PALLD: variants seen among roughly 807,000 people sequenced by gnomAD.
The protein encoded by PALLD is palladin.
PALLD carries 61 observed loss-of-function variants against 123.5 expected under a neutral mutation model. The ratio of observed to expected loss-of-function variants is 0.49; its 90% CI spans 0.40 to 0.61. The LOEUF is 0.61. Among genes scored for constraint, PALLD ranks in the 20% least tolerant of loss-of-function variants. The pLI is 0.00. For missense variants in PALLD, 1,273 were observed against 1,377.0 expected (o/e 0.92, Z 1.20); for synonymous variants, 465 against 496.4 (o/e 0.94, Z 0.84).
chr4:168,658,805 G>T (rs943781769), intron 2 of PALLD, among the ~76,000 whole-genome samples: 5 of 152,118 alleles, frequency 3.3e-5, no homozygotes, highest in African/African-American at 1.2e-4. Flanking sequence ...ATCTGGTTTT[G>T]GTTCAAATTC....
chr4:168,629,584 T>C (rs1775618263), intron 2 of PALLD, among the ~76,000 whole-genome samples: 1 of 152,240 alleles, frequency 6.6e-6, no homozygotes, highest in Admixed American at 6.5e-5. Flanking sequence ...TCAGTAGTTC[T>C]GAGCAGGGCT....
At chr4:168,710,365 T>C (rs1784719205) in intron 9 of PALLD, among the ~76,000 whole-genome samples, 3 of 152,112 alleles carry the variant, frequency 2.0e-5, no homozygotes, top group Admixed American at 2.0e-4. Flanking sequence ...ATCTCTGCCA[T>C]TCATCTTAAA....
chr4:168,727,021 C>T (rs1367237089), intron 10 of PALLD, among the ~76,000 whole-genome samples: 1 of 152,162 alleles, frequency 6.6e-6, no homozygotes, highest in Non-Finnish European at 1.5e-5. Flanking sequence ...ATTATGGCCT[C>T]CAGCTCCATC....
intron 10 of PALLD, among the ~76,000 whole-genome samples, chr4:168,715,427 C>T (rs1785254793): frequency 6.6e-6 from 1 of 152,230 alleles, no homozygotes; most frequent in Non-Finnish European, 1.5e-5. Context: ...ATTTCTGCAA[C>T]TCAGTGGCTG....
chr4:168,565,122 G>A (rs772309050), intron 2 of PALLD, among the ~76,000 whole-genome samples: 4 of 152,076 alleles, frequency 2.6e-5, no homozygotes, highest in Non-Finnish European at 5.9e-5. Context: ...AACCCAGGAG[G>A]TCAAGGCAGC....
At position 168,924,207 on chromosome 4, in the gene PALLD, G is replaced by T. The variant is rs1052056316; in HGVS notation, c.3059-48G>T. Reference sequence around the variant, plus strand: ...AAAAGCCTTCTGAATTCTTTCTAGTGCTCCTTTTGTATATCATTGATAGAG... The same window carrying T: ...AAAAGCCTTCTGAATTCTTTCTAGTTCTCCTTTTGTATATCATTGATAGAG... On this transcript the variant is annotated intron_variant, in intron 18 of 21. Coordinates refer to ENST00000505667, the MANE Select transcript of PALLD (RefSeq NM_001166108.2). 5 of 1,527,542 alleles carry T rather than the reference G, an allele frequency of 3.3e-6. No individual in the cohort carries two copies. In the African/African-American group the frequency reaches 5.5e-5, roughly 17 times the overall value. The allele number at this position is 1,527,542 out of a possible 1,614,324, so 94.6% of individuals were successfully genotyped here.
intron 8 of PALLD, 23 bp from the exon 9 acceptor site, chr4:168,709,005 G>A (rs2150195071): frequency 6.2e-7 from 1 of 1,612,048 alleles, no homozygotes; most frequent in East Asian, 2.2e-5. Flanking sequence ...TCTGATGAAT[G>A]ATTCTGTTCT....
chr4:168,518,115 A>G (rs1763167085), intron 2 of PALLD, among the ~76,000 whole-genome samples: 1 of 152,128 alleles, frequency 6.6e-6, no homozygotes, highest in Admixed American at 6.5e-5. Flanking sequence ...CTGTTCAGGA[A>G]AAAAACCTTG....
intron 2 of PALLD, among the ~76,000 whole-genome samples, chr4:168,614,994 G>T (rs910248294): frequency 6.6e-6 from 1 of 152,118 alleles, no homozygotes; most frequent in Non-Finnish European, 1.5e-5. Flanking sequence ...GGGATAGCTA[G>T]AGCCAATAAG....
At chr4:168,550,565 G>A (rs992134422) in intron 2 of PALLD, among the ~76,000 whole-genome samples, 8 of 138,724 alleles carry the variant, frequency 5.8e-5, no homozygotes, top group Non-Finnish European at 6.5e-5. Context: ...AGATATTTAT[G>A]AGCTTCTAAA....
At position 168,680,275 on chromosome 4, in the gene PALLD, C is replaced by T. The variant is rs538609824; in HGVS notation, c.1088-1057C>T. 1.2e-3 allele frequency among the ~76,000 whole-genome samples: 177 copies of T among 150,474 alleles called. 1 individual carries two copies. Among genetic ancestry groups the T allele is most frequent in the African/African-American group, 4.0e-3 (164 of 40,896 alleles). On this transcript the variant is annotated intron_variant, in intron 3 of 21. Coordinates refer to ENST00000505667, the MANE Select transcript of PALLD (RefSeq NM_001166108.2). ...GGCAGATCACTTGAGGTCAGGAGTT[C>T]GAGACCAGCCTGGCCAACATGGTGA...
At position 168,786,894 on chromosome 4, in the gene PALLD, G is replaced by T. The variant is rs1736840650; in HGVS notation, c.1964+74971G>T. Among the ~76,000 whole-genome samples, 4 of 152,152 alleles carry T rather than the reference G, an allele frequency of 2.6e-5. No homozygotes were observed. The South Asian group carries it at 8.3e-4, about 32-fold the overall frequency. The stretch of plus-strand genomic sequence containing the variant: ...ATAAGAACATGAAAAGCTGTGGTTT[G>T]CAACCTTCATAGGGTCCCAAAGCAA... On this transcript the variant is annotated intron_variant, in intron 10 of 21. Coordinates refer to ENST00000505667, the MANE Select transcript of PALLD (RefSeq NM_001166108.2).
At chr4:168,770,293 G>A (rs116323792) in intron 10 of PALLD, among the ~76,000 whole-genome samples, 2,027 of 152,312 alleles carry the variant, frequency 0.013, 21 homozygotes, top group Non-Finnish European at 0.021. Context: ...GAATAGAAAA[G>A]CCTGTCTCCC....
chr4:168,547,825 A>G (rs1271142425), intron 2 of PALLD, among the ~76,000 whole-genome samples: 1 of 151,764 alleles, frequency 6.6e-6, no homozygotes, highest in East Asian at 2.0e-4. Context: ...GTGCGCCTGT[A>G]GTCCCAGCTA....
rs1403623266 is a variant in PALLD at position 168,915,991 on chromosome 4, T to C, written c.2814T>C (p.Thr938=). The change falls in exon 17 of 22, where the codon ACT becomes ACC. Residue 938 remains threonine (T), a synonymous_variant. Transcript: ENST00000505667. The part of the protein sequence containing the change: ...PHFLQAPGDL[T]VQEGKLCRMD... ...TCTTGCAGGCTCCTGGAGATCTGAC[T>C]GTTCAAGAAGGAAAACTCTGCAGAA... is the stretch of plus-strand genomic sequence containing the variant. 4.3e-6 allele frequency: 7 copies of C among 1,613,872 alleles called. No individual in the cohort carries two copies. In the African/African-American group the frequency reaches 6.7e-5, roughly 15 times the overall value.
intron 2 of PALLD, among the ~76,000 whole-genome samples, chr4:168,637,279 C>T (rs1776437970): frequency 6.6e-6 from 1 of 152,020 alleles, no homozygotes; most frequent in South Asian, 2.1e-4. Flanking sequence ...CCACTCCAGT[C>T]TTCCCTTCTC....
rs571414262 is a variant in PALLD at position 168,552,271 on chromosome 4, G to A, written c.908+39859G>A. On this transcript the variant is annotated intron_variant, in intron 2 of 21. Transcript: ENST00000505667. ...ACTCATGAAGGGACCCAAAGCCAAC[G>A]TGGGGTGAGGGGAGGGCAGGAACCT... Among the ~76,000 whole-genome samples, 4 of 152,288 alleles carry A rather than the reference G, an allele frequency of 2.6e-5. No individual in the cohort carries two copies. The South Asian group carries it at 6.2e-4, about 24-fold the overall frequency.
At chr4:168,923,703 CTATT>C (rs1762025697) in intron 18 of PALLD, among the ~76,000 whole-genome samples, 1 of 152,148 alleles carries the variant, frequency 6.6e-6, no homozygotes, top group South Asian at 2.1e-4. Flanking sequence ...TTACAGGTAA[CTATT>C]TAAAGCTGCC....
intron 10 of PALLD, among the ~76,000 whole-genome samples, chr4:168,788,596 G>A: frequency 6.6e-6 from 1 of 152,148 alleles, no homozygotes; most frequent in East Asian, 1.9e-4. Context: ...ACAACACCAA[G>A]AGTGAACGCT....
Sources: gnomAD v4.1 joint callset for allele counts (sites outside exome capture counted in the v4.1 genomes callset) on GRCh38, gnomAD v4.1.1 for gene constraint, MANE v1.5 for transcripts, NCBI Gene and HGNC (gene_info 2026-07-23, HGNC 2026-07-21) for gene names.